Variants in ITCH observed in about 807,000 individuals in gnomAD.
The protein encoded by ITCH is itchy E3 ubiquitin protein ligase.
In ITCH, 28 loss-of-function variants were observed where a neutral mutation model predicts 126.8. The observed-to-expected ratio is 0.22, with a 90% CI of 0.16 to 0.30. The LOEUF (loss-of-function observed/expected upper bound fraction) is 0.30, where lower values mean the gene tolerates loss of function less well. Among genes scored for constraint, ITCH ranks in the 10% least tolerant of loss-of-function variants. ITCH has a pLI of 1.00. For missense variants in ITCH, 631 were observed against 1,032.4 expected (o/e 0.61, Z 5.33); for synonymous variants, 342 against 340.0 (o/e 1.01, Z -0.06).
intron 6 of ITCH, among the ~76,000 whole-genome samples, chr20:34,417,574 AT>A (rs753533391): frequency 7.0e-6 from 1 of 143,618 alleles, no homozygotes; most frequent in Non-Finnish European, 1.5e-5. Flanking sequence ...TAAGTTTTGT[AT>A]TTTTAGTACA....
chr20:34,498,451 ATGT>A (rs1990029209), intron 23 of ITCH, among the ~76,000 whole-genome samples: 1 of 152,214 alleles, frequency 6.6e-6, no homozygotes, highest in Non-Finnish European at 1.5e-5. Context: ...GTTCAGTATG[ATGT>A]TGGCTGTGGA....
chr20:34,480,011 G>A (rs139985355), intron 18 of ITCH, among the ~76,000 whole-genome samples: 92 of 152,130 alleles, frequency 6.0e-4, no homozygotes, highest in African/African-American at 2.0e-3. Flanking sequence ...CAGTTCTCCC[G>A]CCTCAGCCTC....
intron 13 of ITCH, among the ~76,000 whole-genome samples, chr20:34,461,752 C>CAGAG (rs1306019445): frequency 1.4e-5 from 2 of 146,148 alleles, no homozygotes; most frequent in Non-Finnish European, 3.0e-5. Context: ...GAAACAAAGC[C>CAGAG]AGAGAAAGGA....
intron 11 of ITCH, among the ~76,000 whole-genome samples, chr20:34,446,773 G>T (rs922902378): frequency 3.3e-5 from 5 of 152,172 alleles, no homozygotes; most frequent in Non-Finnish European, 7.3e-5. Context: ...GGTGTTCAGT[G>T]GAAAGAGCAT....
intron 14 of ITCH, among the ~76,000 whole-genome samples, chr20:34,463,811 G>A (rs1347259555): frequency 1.4e-5 from 2 of 145,384 alleles, no homozygotes; most frequent in East Asian, 2.0e-4. Context: ...TTTTTCTTTT[G>A]CGATTGAGTT....
chr20:34,405,710 A>G (rs1280267523), intron 3 of ITCH, among the ~76,000 whole-genome samples: 2 of 152,084 alleles, frequency 1.3e-5, no homozygotes, highest in Non-Finnish European at 2.9e-5. Context: ...TAGAAATTTT[A>G]TGTTTTTCTG....
At chr20:34,402,260 G>A (rs1333184240) in intron 3 of ITCH, 9 of 1,250,334 alleles carry the variant, frequency 7.2e-6, no homozygotes, top group Admixed American at 5.1e-5. Context: ...AACACTCCAC[G>A]TACTTGACAG....
intron 2 of ITCH, among the ~76,000 whole-genome samples, chr20:34,370,992 C>T (rs944940649): frequency 6.6e-6 from 1 of 151,670 alleles, no homozygotes; most frequent in Admixed American, 6.6e-5. Flanking sequence ...CAAGGTGAAA[C>T]CCCGTCTCTA....
intron 10 of ITCH, among the ~76,000 whole-genome samples, chr20:34,442,845 G>A (rs1187723635): frequency 2.6e-5 from 4 of 151,070 alleles, no homozygotes; most frequent in African/African-American, 7.3e-5. Context: ...GCATGGTGGC[G>A]GGCACCTATA....
intron 3 of ITCH, among the ~76,000 whole-genome samples, chr20:34,406,691 C>T (rs529611652): frequency 2.0e-5 from 3 of 152,172 alleles, no homozygotes; most frequent in South Asian, 2.1e-4. Context: ...CTCGCCACCA[C>T]GCCCGGCTAA....
intron 23 of ITCH, 99 bp from the exon 24 acceptor site, chr20:34,504,232 C>A: frequency 1.1e-6 from 1 of 898,268 alleles, no homozygotes; most frequent in Non-Finnish European, 1.9e-6. Context: ...ATTTATGGTT[C>A]TAACAAGTTC....
chr20:34,427,745 G>A (rs192329511), intron 7 of ITCH, among the ~76,000 whole-genome samples: 16 of 152,136 alleles, frequency 1.1e-4, no homozygotes, highest in African/African-American at 3.9e-4. Context: ...GAAAGTTCCC[G>A]CATAAAATGT....
chr20:34,370,889 C>T (rs1300782736), intron 2 of ITCH, among the ~76,000 whole-genome samples: 1 of 152,072 alleles, frequency 6.6e-6, no homozygotes, highest in African/African-American at 2.4e-5. Context: ...AAAGCTGAGG[C>T]TGGGCGCGGT....
At chr20:34,453,765 G>A (rs1348255618) in intron 12 of ITCH, among the ~76,000 whole-genome samples, 2 of 152,048 alleles carry the variant, frequency 1.3e-5, no homozygotes, top group Non-Finnish European at 2.9e-5. Context: ...AGGTCGAGGC[G>A]GGTGAATCAC....
chr20:34,370,647 G>A (rs2037587218), intron 2 of ITCH, among the ~76,000 whole-genome samples: 1 of 143,644 alleles, frequency 7.0e-6, no homozygotes, highest in South Asian at 2.2e-4. Context: ...CTGGGCAACA[G>A]AGTGAGAGTC....
chr20:34,387,540 A>C (rs2038329408), intron 2 of ITCH, among the ~76,000 whole-genome samples: 2 of 150,338 alleles, frequency 1.3e-5, no homozygotes, highest in African/African-American at 4.9e-5. Context: ...CTGAAGCAGG[A>C]GGATTGTTTC....
chr20:34,444,857 G>T (rs1378129830), intron 10 of ITCH, among the ~76,000 whole-genome samples: 1 of 152,174 alleles, frequency 6.6e-6, no homozygotes, highest in Non-Finnish European at 1.5e-5. Flanking sequence ...GGCCAGGCTG[G>T]TCTTGAACTA....
At position 34,412,653 on chromosome 20, in the gene ITCH, A is replaced by G; in HGVS notation, c.337+14A>G. On this transcript the variant is annotated intron_variant, in intron 5 of 24. Coordinates refer to ENST00000374864, the MANE Select transcript of ITCH (RefSeq NM_031483.7). ...ACAATATGAAACGTATGTATGTAAGACTAATAGAAATTGCACTTAGCTGTT... is the reference window on the plus strand; with the variant it reads ...ACAATATGAAACGTATGTATGTAAGGCTAATAGAAATTGCACTTAGCTGTT... 1.3e-6 allele frequency: 2 copies of G among 1,597,316 alleles called. No individual in the cohort carries two copies. The highest frequency in any genetic ancestry group is 1.1e-5 in the South Asian group (1 of 90,736).
chr20:34,383,218 A>AT (rs1440324264), intron 2 of ITCH, among the ~76,000 whole-genome samples: 2 of 151,308 alleles, frequency 1.3e-5, no homozygotes, highest in African/African-American at 4.9e-5. Context: ...GTTTATTTTT[A>AT]TTTTTTGTAG....
Sources: gnomAD v4.1 joint callset for allele counts (sites outside exome capture counted in the v4.1 genomes callset) on GRCh38, gnomAD v4.1.1 for gene constraint, MANE v1.5 for transcripts, NCBI Gene and HGNC (gene_info 2026-07-23, HGNC 2026-07-21) for gene names.